PCDH9: variants seen among roughly 807,000 people sequenced by gnomAD.
The protein encoded by PCDH9 is protocadherin-9.
A neutral mutation model predicts 70.6 loss-of-function variants in PCDH9; 24 were observed. That is an observed-to-expected ratio of 0.34 (90% CI 0.25 to 0.48). The LOEUF is 0.48. Ranked by LOEUF, PCDH9 falls within the 20% of genes least tolerant of loss-of-function variation. PCDH9 has a pLI of 0.99. For synonymous variants in PCDH9, 562 were observed against 558.5 expected, an observed-to-expected ratio of 1.01 and a Z score of -0.09; for missense variants, 1,281 against 1,503.6, an observed-to-expected ratio of 0.85 and a Z score of 2.45.
intron 2 of PCDH9, among the ~76,000 whole-genome samples, chr13:66,975,113 T>A (rs868307103): frequency 6.6e-6 from 1 of 152,182 alleles, no homozygotes; most frequent in African/African-American, 2.4e-5. Flanking sequence ...TGAACTAGCA[T>A]GATAAATGCC....
intron 2 of PCDH9, among the ~76,000 whole-genome samples, chr13:66,927,203 G>A (rs530084048): frequency 1.3e-5 from 2 of 152,056 alleles, no homozygotes; most frequent in East Asian, 3.9e-4. Context: ...TAGACCGGTG[G>A]CTTAAAAAAC....
chr13:66,433,586 A>T (rs1957813396), intron 4 of PCDH9, among the ~76,000 whole-genome samples: 1 of 151,780 alleles, frequency 6.6e-6, no homozygotes, highest in South Asian at 2.1e-4. Context: ...CTGTCATATT[A>T]AAGTGTATAT....
chr13:66,538,406 A>G (rs1207011638), intron 4 of PCDH9, among the ~76,000 whole-genome samples: 1 of 152,166 alleles, frequency 6.6e-6, no homozygotes, highest in African/African-American at 2.4e-5. Flanking sequence ...ACTGAATTAC[A>G]TTTCCCGATT....
chr13:66,708,657 G>A (rs985807120), intron 3 of PCDH9, among the ~76,000 whole-genome samples: 1 of 152,182 alleles, frequency 6.6e-6, no homozygotes, highest in Non-Finnish European at 1.5e-5. Flanking sequence ...TCAGAAACAC[G>A]CAGAAACGTG....
chr13:66,797,888 C>T (rs1455730547), intron 3 of PCDH9, among the ~76,000 whole-genome samples: 1 of 151,842 alleles, frequency 6.6e-6, no homozygotes, highest in Non-Finnish European at 1.5e-5. Flanking sequence ...TCTTATCTGA[C>T]TAAAACATGG....
intron 4 of PCDH9, among the ~76,000 whole-genome samples, chr13:66,424,967 C>T (rs569616912): frequency 2.0e-5 from 3 of 151,938 alleles, no homozygotes; most frequent in African/African-American, 7.2e-5. Flanking sequence ...AAAAACAACA[C>T]ATCCAATCAG....
At chr13:67,079,512 G>A (rs2085942435) in intron 2 of PCDH9, among the ~76,000 whole-genome samples, 1 of 152,020 alleles carries the variant, frequency 6.6e-6, no homozygotes, top group Non-Finnish European at 1.5e-5. Context: ...ACCTGACTCT[G>A]GTATACAGCA....
intron 3 of PCDH9, among the ~76,000 whole-genome samples, chr13:66,679,703 T>A (rs904427893): frequency 6.6e-6 from 1 of 151,928 alleles, no homozygotes; most frequent in African/African-American, 2.4e-5. Flanking sequence ...TTTAAATATG[T>A]TATCCAGGAA....
chr13:66,566,627 A>G (rs2138726163), intron 4 of PCDH9, among the ~76,000 whole-genome samples: 1 of 152,330 alleles, frequency 6.6e-6, no homozygotes, highest in South Asian at 2.1e-4. Context: ...CATTGCTTTT[A>G]CTAACAGTAA....
At chr13:67,133,709 A>C (rs763572866) in intron 2 of PCDH9, among the ~76,000 whole-genome samples, 1 of 152,074 alleles carries the variant, frequency 6.6e-6, no homozygotes, top group Non-Finnish European at 1.5e-5. Flanking sequence ...AAATGACTGC[A>C]TTGCCTTTTC....
intron 4 of PCDH9, among the ~76,000 whole-genome samples, chr13:66,530,806 G>A (rs1022687967): frequency 2.6e-5 from 4 of 152,154 alleles, no homozygotes; most frequent in East Asian, 1.9e-4. Context: ...TTATAATTGC[G>A]AGGAGTTTCT....
At chr13:66,418,463 T>G (rs1957501211) in intron 4 of PCDH9, among the ~76,000 whole-genome samples, 1 of 152,170 alleles carries the variant, frequency 6.6e-6, no homozygotes, top group South Asian at 2.1e-4. Context: ...TTCTTTTACT[T>G]AGGATTGTCT....
chr13:66,936,083 C>CA (rs1239395091), intron 2 of PCDH9, among the ~76,000 whole-genome samples: 6 of 152,028 alleles, frequency 3.9e-5, no homozygotes, highest in Non-Finnish European at 8.8e-5. Context: ...GACTCTGTCT[C>CA]AAAAAACAAA....
In PCDH9 at chr13:66,390,228, G is replaced by A. The variant is rs147196928; in HGVS notation, c.3341-85200C>T. Among the ~76,000 whole-genome samples, 362 of 152,306 alleles carry A rather than the reference G, an allele frequency of 2.4e-3. 3 individuals carry two copies. The highest frequency in any genetic ancestry group is 8.1e-3 in the African/African-American group (335 of 41,574). On this transcript the variant is annotated intron_variant, in intron 4 of 4. Coordinates refer to ENST00000377865, the MANE Select transcript of PCDH9 (RefSeq NM_203487.3). ...AACTCTGCGGATGAATGGCAAGCAT[G>A]ATAGACTAAGCCTGAGTTACCATTA...
chr13:66,903,272 C>A, intron 3 of PCDH9, among the ~76,000 whole-genome samples: 1 of 151,318 alleles, frequency 6.6e-6, no homozygotes, highest in Non-Finnish European at 1.5e-5. Context: ...ATGTTACTAA[C>A]ATTATGTTTG....
chr13:66,322,086 T>C (rs1412043269), intron 4 of PCDH9, among the ~76,000 whole-genome samples: 3 of 151,966 alleles, frequency 2.0e-5, no homozygotes, highest in Non-Finnish European at 4.4e-5. Context: ...TTATTATTAT[T>C]CTTTGAAATT....
At chr13:66,379,907 G>A (rs1230277505) in intron 4 of PCDH9, among the ~76,000 whole-genome samples, 1 of 151,948 alleles carries the variant, frequency 6.6e-6, no homozygotes, top group African/African-American at 2.4e-5. Context: ...ATAACTAGTT[G>A]GGGCAAATGG....
chr13:66,504,175 G>A (rs903074141), intron 4 of PCDH9, among the ~76,000 whole-genome samples: 12 of 152,160 alleles, frequency 7.9e-5, no homozygotes, highest in Non-Finnish European at 1.5e-4. Context: ...GAAAGGCCTT[G>A]GCCAATCCTT....
At chr13:66,690,145 C>T (rs1384541312) in intron 3 of PCDH9, among the ~76,000 whole-genome samples, 1 of 152,148 alleles carries the variant, frequency 6.6e-6, no homozygotes, top group African/African-American at 2.4e-5. Context: ...TTATTCTCTT[C>T]TAAATAAACA....
Sources: allele counts gnomAD v4.1 joint callset (sites outside exome capture counted in the v4.1 genomes callset), GRCh38; gene constraint gnomAD v4.1.1; transcripts MANE v1.5; gene names NCBI Gene and HGNC (gene_info 2026-07-23, HGNC 2026-07-21).